Variants in OPCML observed in about 807,000 individuals in gnomAD.
The protein encoded by OPCML is opioid binding protein/cell adhesion molecule like, also known as opioid-binding protein/cell adhesion molecule.
A neutral mutation model predicts 37.8 loss-of-function variants in OPCML; 13 were observed. That is an observed-to-expected ratio of 0.34 (90% CI 0.22 to 0.55). OPCML has a LOEUF of 0.55. Among genes scored for constraint, OPCML ranks in the 20% least tolerant of loss-of-function variants. The pLI is 0.91. For missense variants in OPCML, 341 were observed against 435.6 expected (o/e 0.78, Z 1.93); for synonymous variants, 176 against 168.8 (o/e 1.04, Z -0.33).
At chr11:133,394,653 G>A (rs902622478) in intron 1 of OPCML, among the ~76,000 whole-genome samples, 1 of 139,298 alleles carries the variant, frequency 7.2e-6, no homozygotes, top group African/African-American at 3.2e-5. Context: ...ATGAGAACAT[G>A]AGAAGTCTGT....
At chr11:133,116,996 G>A (rs1005200633) in intron 1 of OPCML, among the ~76,000 whole-genome samples, 8 of 151,880 alleles carry the variant, frequency 5.3e-5, no homozygotes, top group Non-Finnish European at 5.9e-5. Flanking sequence ...TTTATTCCAT[G>A]TAGTCATTCA....
chr11:133,162,773 T>C (rs1950162552), intron 1 of OPCML, among the ~76,000 whole-genome samples: 1 of 152,238 alleles, frequency 6.6e-6, no homozygotes, highest in South Asian at 2.1e-4. Flanking sequence ...AGCTGCTCCA[T>C]GCATACACGG....
At chr11:132,610,615 G>T (rs1382414595) in intron 3 of OPCML, among the ~76,000 whole-genome samples, 1 of 152,142 alleles carries the variant, frequency 6.6e-6, no homozygotes, top group Admixed American at 6.5e-5. Context: ...TAGGGGAGTG[G>T]GTGGGGGATG....
chr11:133,245,316 C>A (rs915476306), intron 1 of OPCML, among the ~76,000 whole-genome samples: 2 of 152,162 alleles, frequency 1.3e-5, no homozygotes, highest in African/African-American at 2.4e-5. Flanking sequence ...CTGAAAAGTT[C>A]TTTACAGTTA....
At chr11:133,288,040 A>T (rs906409109) in intron 1 of OPCML, among the ~76,000 whole-genome samples, 1 of 152,188 alleles carries the variant, frequency 6.6e-6, no homozygotes, top group Non-Finnish European at 1.5e-5. Flanking sequence ...CTCCACTTCC[A>T]AGAAGGATGA....
At chr11:133,320,886 A>G (rs944574203) in intron 1 of OPCML, among the ~76,000 whole-genome samples, 14 of 152,198 alleles carry the variant, frequency 9.2e-5, no homozygotes, top group African/African-American at 3.4e-4. Context: ...CGCAGAACAC[A>G]ATAACGGCAG....
intron 1 of OPCML, among the ~76,000 whole-genome samples, chr11:133,166,527 G>A (rs891115592): frequency 2.0e-4 from 31 of 152,222 alleles, no homozygotes; most frequent in African/African-American, 7.5e-4. Context: ...ATTGGCATAT[G>A]TTATGGGAAC....
intron 2 of OPCML, among the ~76,000 whole-genome samples, chr11:132,892,576 G>A (rs1201791338): frequency 6.6e-6 from 1 of 152,130 alleles, no homozygotes; most frequent in Non-Finnish European, 1.5e-5. Context: ...AGGCTAGCCT[G>A]GCCAACATGG....
intron 1 of OPCML, among the ~76,000 whole-genome samples, chr11:133,262,619 T>A (rs1941527755): frequency 1.3e-5 from 2 of 152,192 alleles, no homozygotes; most frequent in East Asian, 3.9e-4. Flanking sequence ...ACCCTTCCAC[T>A]GTACCTACTG....
chr11:133,441,154 A>T (rs991631624), intron 1 of OPCML, among the ~76,000 whole-genome samples: 1 of 152,068 alleles, frequency 6.6e-6, no homozygotes, highest in Admixed American at 6.5e-5. Context: ...TAGAATTTGT[A>T]ATTAAAAATA....
chr11:133,273,696 G>A (rs1941913876), intron 1 of OPCML, among the ~76,000 whole-genome samples: 1 of 152,168 alleles, frequency 6.6e-6, no homozygotes, highest in African/African-American at 2.4e-5. Context: ...GCAGGAAGAA[G>A]GAGCCCTCTT....
chr11:133,390,987 C>A (rs993366989), intron 1 of OPCML, among the ~76,000 whole-genome samples: 1 of 152,170 alleles, frequency 6.6e-6, no homozygotes, highest in Non-Finnish European at 1.5e-5. Flanking sequence ...TAAAAACAAA[C>A]GGCTCCAATC....
At chr11:132,938,990 C>A (rs1441315950) in intron 2 of OPCML, among the ~76,000 whole-genome samples, 1 of 152,140 alleles carries the variant, frequency 6.6e-6, no homozygotes, top group East Asian at 1.9e-4. Context: ...TAACTCCAAC[C>A]AGGTTAGTGC....
At chr11:133,509,117 T>C (rs1948100875) in intron 1 of OPCML, among the ~76,000 whole-genome samples, 1 of 152,188 alleles carries the variant, frequency 6.6e-6, no homozygotes, top group East Asian at 1.9e-4. Context: ...GCAGGTTTGT[T>C]ACATTGGTAA....
At chr11:133,162,344 C>T (rs1950154778) in intron 1 of OPCML, among the ~76,000 whole-genome samples, 1 of 152,212 alleles carries the variant, frequency 6.6e-6, no homozygotes, top group Non-Finnish European at 1.5e-5. Context: ...GCGGACTTTG[C>T]CCTCCACGTG....
At chr11:132,838,323 C>T (rs188516480) in intron 2 of OPCML, among the ~76,000 whole-genome samples, 3 of 152,146 alleles carry the variant, frequency 2.0e-5, no homozygotes, top group East Asian at 1.9e-4. Flanking sequence ...GTATATTCTG[C>T]GAAGAAAATG....
intron 1 of OPCML, among the ~76,000 whole-genome samples, chr11:132,998,998 G>T (rs1946940694): frequency 6.6e-6 from 1 of 152,208 alleles, no homozygotes. Flanking sequence ...AAGTCATCTA[G>T]CCAAATTCCC....
At chr11:133,441,018 T>C (rs1386148216) in intron 1 of OPCML, among the ~76,000 whole-genome samples, 1 of 151,508 alleles carries the variant, frequency 6.6e-6, no homozygotes, top group Non-Finnish European at 1.5e-5. Context: ...TAAAAGAATT[T>C]GAGGGTTTTA....
intron 1 of OPCML, among the ~76,000 whole-genome samples, chr11:133,506,295 G>T (rs1948030387): frequency 6.6e-6 from 1 of 152,134 alleles, no homozygotes; most frequent in Non-Finnish European, 1.5e-5. Context: ...TACTTTTTCT[G>T]CATTTTAAAG....
Sources: allele counts gnomAD v4.1 joint callset (sites outside exome capture counted in the v4.1 genomes callset), GRCh38; gene constraint gnomAD v4.1.1; transcripts MANE v1.5; gene names NCBI Gene and HGNC (gene_info 2026-07-23, HGNC 2026-07-21).